Variants in CTNND1 observed in about 807,000 individuals in gnomAD.
CTNND1 encodes catenin delta-1.
Under a neutral mutation model 112.1 loss-of-function variants are expected in CTNND1, and 16 were observed. That is an observed-to-expected ratio of 0.14 (90% CI 0.10 to 0.22). The LOEUF (loss-of-function observed/expected upper bound fraction) is 0.22, where lower values mean the gene tolerates loss of function less well. CTNND1 is among the 10% of genes least tolerant of loss of function. The pLI, the probability that CTNND1 is intolerant of heterozygous loss-of-function variation, is 1.00. For missense variants in CTNND1, 1,008 were observed against 1,257.0 expected (o/e 0.80, Z 3.00); for synonymous variants, 420 against 446.5 (o/e 0.94, Z 0.75).
intron 1 of CTNND1, among the ~76,000 whole-genome samples, chr11:57,764,289 G>A (rs1304230790): frequency 1.3e-5 from 2 of 152,102 alleles, no homozygotes; most frequent in African/African-American, 4.8e-5. Flanking sequence ...CTTTCTCAGG[G>A]TTCCAGCATG....
chr11:57,803,194 G>A (rs1345789014), intron 7 of CTNND1, among the ~76,000 whole-genome samples: 3 of 152,208 alleles, frequency 2.0e-5, no homozygotes, highest in African/African-American at 2.4e-5. Context: ...CGCAAGCTCC[G>A]CCTCATGGGT....
chr11:57,791,396 G>A lies in CTNND1; in HGVS notation c.-83G>A. On this transcript the variant is annotated 5_prime_UTR_variant, in exon 3 of 21. Transcript: ENST00000399050. ...CCCTTTCCCGGTAGTGTGAAGTGAG[G>A]GGGTCTCTCTCCCTCCTTCTCCTTC... 1 of 1,371,504 alleles carries A rather than the reference G, an allele frequency of 7.3e-7. No homozygotes were observed. The highest frequency in any genetic ancestry group is 9.5e-7 in the Non-Finnish European group (1 of 1,056,018). The allele number at this position is 1,371,504 out of a possible 1,614,324, so 85.0% of individuals were successfully genotyped here.
intron 18 of CTNND1, 24 bp from the exon 19 acceptor site, chr11:57,815,370 G>A (rs750111638): frequency 2.9e-6 from 4 of 1,371,722 alleles, no homozygotes; most frequent in African/African-American, 2.9e-5. Context: ...TCATATTTCT[G>A]TGTACTTTTT....
At chr11:57,797,088 A>T in intron 6 of CTNND1, 96 bp downstream of exon 6, 1 of 1,124,698 alleles carries the variant, frequency 8.9e-7, no homozygotes, top group Non-Finnish European at 1.2e-6. Flanking sequence ...GGGATCAGAG[A>T]TACTCGTGGC....
intron 1 of CTNND1, among the ~76,000 whole-genome samples, chr11:57,767,551 A>G (rs1197997535): frequency 6.6e-6 from 1 of 152,182 alleles, no homozygotes; most frequent in Non-Finnish European, 1.5e-5. Context: ...TGGTGAGGCA[A>G]GGCAGCATAA....
At chr11:57,792,428 C>T (rs112144673) in intron 3 of CTNND1, among the ~76,000 whole-genome samples, 2 of 152,020 alleles carry the variant, frequency 1.3e-5, no homozygotes, top group Non-Finnish European at 2.9e-5. Flanking sequence ...TGTGTGTGTG[C>T]GTGTGTGCGC....
Position 57,819,278 on chromosome 11 carries a change from T to G in CTNND1, c.*2970T>G, listed in dbSNP as rs1470756551. 1.3e-5 allele frequency: 2 copies of G among 152,226 alleles called. No individual in the cohort carries two copies. The highest frequency in any genetic ancestry group is 2.9e-5 in the Non-Finnish European group (2 of 68,040). The allele number at this position is 152,226 out of a possible 1,614,324, so 9.4% of individuals were successfully genotyped here. A position where few individuals can be genotyped will look rare whatever the true frequency, so the allele number is the denominator to read the frequency against. ...ATCAACTAGCTTTTAAAGCTTGATT[T>G]GTGTCTAACAATTGTAGTGTTAGAT... On this transcript the variant is annotated 3_prime_UTR_variant, in exon 21 of 21. Coordinates refer to ENST00000399050, the MANE Select transcript of CTNND1 (RefSeq NM_001085458.2).
At chr11:57,798,115 G>A (rs756666083) in intron 6 of CTNND1, among the ~76,000 whole-genome samples, 1 of 152,036 alleles carries the variant, frequency 6.6e-6, no homozygotes, top group East Asian at 1.9e-4. Flanking sequence ...TTGGGAGGCC[G>A]AGTTGGGCGG....
At chr11:57,806,636 G>A (rs1387757803) in intron 11 of CTNND1, 158 bp downstream of exon 11, 1 of 691,344 alleles carries the variant, frequency 1.4e-6, no homozygotes, top group African/African-American at 1.8e-5. Context: ...GGAGCTAATA[G>A]CTCACGGCAT....
intron 1 of CTNND1, among the ~76,000 whole-genome samples, chr11:57,782,028 G>A (rs2059634963): frequency 6.6e-6 from 1 of 151,960 alleles, no homozygotes; most frequent in Non-Finnish European, 1.5e-5. Context: ...CATGATGGTG[G>A]AGGTGATTTT....
chr11:57,763,356 A>C (rs976084938), intron 1 of CTNND1, among the ~76,000 whole-genome samples: 3 of 152,174 alleles, frequency 2.0e-5, no homozygotes, highest in Non-Finnish European at 2.9e-5. Flanking sequence ...GCTGCTCATT[A>C]GCTTTAAACT....
chr11:57,762,596 C>G (rs939491337), intron 1 of CTNND1, among the ~76,000 whole-genome samples: 10 of 152,058 alleles, frequency 6.6e-5, no homozygotes, highest in African/African-American at 2.4e-4. Flanking sequence ...TTGTTTTTCC[C>G]CCAGAGAGTT....
At position 57,806,469 on chromosome 11, in the gene CTNND1, T is replaced by A; in HGVS notation, c.1885T>A (p.Phe629Ile). Residue 629 changes from phenylalanine to isoleucine, a missense_variant, in exon 11 of 21, where the codon TTC becomes ATC. Physicochemically the swap from Phe to Ile is conservative, Grantham distance 21 (BLOSUM62 0). This residue lies in a region of CTNND1 where 254 missense variants were observed against 279.5 expected (regional missense o/e 0.91). Coordinates refer to ENST00000399050, the MANE Select transcript of CTNND1 (RefSeq NM_001085458.2). Reference protein sequence around the residue: ...FGAKKGKDEWFSRGKKPIEDP... With the variant: ...FGAKKGKDEWISRGKKPIEDP... The stretch of plus-strand genomic sequence containing the variant: ...GGGTGATGCACTGGAAGATGAGTGG[T>A]TCTCCAGAGGTGAGTGGAGTCTTTT... 9 of 1,603,856 alleles carry A rather than the reference T, an allele frequency of 5.6e-6. No homozygotes were observed. The highest frequency in any genetic ancestry group is 6.8e-6 in the Non-Finnish European group (8 of 1,174,572).
chr11:57,796,489 G>T lies in CTNND1; in HGVS notation c.453G>T (p.Arg151=). The change falls in exon 6 of 21, where the codon CGG becomes CGT. Residue 151 remains arginine, a synonymous_variant. Transcript: ENST00000399050. The part of the protein sequence containing the change: ...VKKVVKTVTT[R]TVQPVAMGPD... ...AAGTAGTGAAGACTGTGACAACACG[G>T]ACAGTACAGCCAGTCGCTATGGGAC... is the stretch of plus-strand genomic sequence containing the variant. 2 of 1,611,868 alleles carry T rather than the reference G, an allele frequency of 1.2e-6. No individual in the cohort carries two copies. Among genetic ancestry groups the T allele is most frequent in the Non-Finnish European group, 1.7e-6 (2 of 1,178,350 alleles).
chr11:57,804,799 T>TTAA lies in CTNND1; in HGVS notation c.1722+21_1722+23dup, dbSNP rs770924563. On this transcript the variant is annotated intron_variant, in intron 9 of 20. Coordinates refer to ENST00000399050, the MANE Select transcript of CTNND1 (RefSeq NM_001085458.2). ...CAGCAAGGTAAGTGCTGTCTTACCT[T>TTAA]TAATGGCTGAGTGAATTTCATTCAC... 7 of 1,560,974 alleles carry TTAA rather than the reference T, an allele frequency of 4.5e-6. No individual in the cohort carries two copies. Among genetic ancestry groups the TTAA allele is most frequent in the Middle Eastern group, 1.7e-4 (1 of 5,972 alleles).
At chr11:57,816,155 T>C in intron 20 of CTNND1, 142 bp from the exon 21 acceptor site, 1 of 1,201,576 alleles carries the variant, frequency 8.3e-7, no homozygotes, top group Non-Finnish European at 1.2e-6. Context: ...TATTACCTCT[T>C]ACGAGTCTGG....
intron 2 of CTNND1, 27 bp from the exon 3 acceptor site, chr11:57,791,358 C>T (rs904555769): frequency 2.2e-6 from 3 of 1,342,016 alleles, no homozygotes; most frequent in Non-Finnish European, 1.9e-6. Context: ...GACCTTTTCT[C>T]TCCTTTCTCT....
Position 57,789,137 on chromosome 11 carries a change from T to C in CTNND1, c.-113T>C. The C allele has an allele frequency of 2.0e-6, 3 of 1,532,914 alleles. No individual in the cohort carries two copies. Among genetic ancestry groups the C allele is most frequent in the Non-Finnish European group, 2.6e-6 (3 of 1,145,370 alleles). The allele number at this position is 1,532,914 out of a possible 1,614,324, so 95.0% of individuals were successfully genotyped here. A position where few individuals can be genotyped will look rare whatever the true frequency, so the allele number is the denominator to read the frequency against. Reference sequence around the variant, plus strand: ...TGTTCTCTGTGTTAAACCAATCAGTTGCGACCTTCTCTTAACAGGTGTGTA... The same window carrying C: ...TGTTCTCTGTGTTAAACCAATCAGTCGCGACCTTCTCTTAACAGGTGTGTA... On this transcript the variant is annotated 5_prime_UTR_variant, in exon 2 of 21. Coordinates refer to ENST00000399050, the MANE Select transcript of CTNND1 (RefSeq NM_001085458.2).
intron 6 of CTNND1, among the ~76,000 whole-genome samples, chr11:57,801,493 A>G (rs1007139630): frequency 6.6e-6 from 1 of 152,234 alleles, no homozygotes; most frequent in Non-Finnish European, 1.5e-5. Context: ...CTAAGCCTGC[A>G]GACTTCAAAG....
Sources: allele counts gnomAD v4.1 joint callset (sites outside exome capture counted in the v4.1 genomes callset), GRCh38; gene constraint gnomAD v4.1.1; regional missense constraint gnomAD v4.1.1; transcripts MANE v1.5; gene names NCBI Gene and HGNC (gene_info 2026-07-23, HGNC 2026-07-21).